The following TMEM106B variants were observed in gnomAD, a reference collection of about 807,000 sequenced individuals.
TMEM106B encodes transmembrane protein 106B.
In TMEM106B, 15 loss-of-function variants were observed where a neutral mutation model predicts 31.1. The ratio of observed to expected loss-of-function variants is 0.48; its 90% confidence interval spans 0.32 to 0.74. The LOEUF is 0.74. Ranked by LOEUF, TMEM106B falls within the 30% of genes least tolerant of loss-of-function variation. The pLI is 0.03. For synonymous variants in TMEM106B, 126 were observed against 112.5 expected (o/e 1.12, Z -0.76); for missense variants, 283 against 327.3 (o/e 0.86, Z 1.04).
At position 12,231,936 on chromosome 7, in the gene TMEM106B, G is replaced by A. The variant is rs1299353534; in HGVS notation, c.786G>A (p.Gly262=). 1 of 1,611,984 alleles carries A rather than the reference G, an allele frequency of 6.2e-7. No individual in the cohort carries two copies. The highest frequency in any genetic ancestry group is 8.5e-7 in the Non-Finnish European group (1 of 1,178,712). The change falls in exon 8 of 8, where the codon GGG becomes GGA. Residue 262 remains glycine, a synonymous_variant. Coordinates refer to ENST00000396668, the MANE Select transcript of TMEM106B (RefSeq NM_001134232.2). ...GAAGAAACACAACTTATCAGTTGGGGCAGTCTGAATATTTAAATGTACTTC... is the reference window on the plus strand; with the variant it reads ...GAAGAAACACAACTTATCAGTTGGGACAGTCTGAATATTTAAATGTACTTC... ...DCGRNTTYQL[G]QSEYLNVLQP... is the part of the protein sequence containing the mutation.
Position 12,239,818 on chromosome 7 carries a change from C to G in TMEM106B, c.*7843C>G, listed in dbSNP as rs774654228. ...AAATACTTACAAAAACATCAAAGAT[C>G]ACTGATTACAGATCATTAAAATAGG... On this transcript the variant is annotated 3_prime_UTR_variant, in exon 8 of 8. Coordinates refer to ENST00000396668, the MANE Select transcript of TMEM106B (RefSeq NM_001134232.2). 1.3e-5 allele frequency: 2 copies of G among 152,150 alleles called. No individual in the cohort carries two copies. The highest frequency in any genetic ancestry group is 1.5e-5 in the Non-Finnish European group (1 of 68,000). The allele number at this position is 152,150 out of a possible 1,614,324, so 9.4% of individuals were successfully genotyped here.
At chr7:12,213,344 G>C (rs963143819) in intron 1 of TMEM106B, among the ~76,000 whole-genome samples, 5 of 152,160 alleles carry the variant, frequency 3.3e-5, no homozygotes, top group African/African-American at 1.2e-4. Flanking sequence ...GTTGTTGCGA[G>C]TGTTTAAATG....
Position 12,236,959 on chromosome 7 carries a change from C to T in TMEM106B, c.*4984C>T, listed in dbSNP as rs1782149739. 6.6e-6 allele frequency: 1 copy of T among 151,846 alleles called. No homozygotes were observed. The highest frequency in any genetic ancestry group is 2.4e-5 in the African/African-American group (1 of 41,362). 9.4% of individuals were successfully genotyped at this position (151,846 alleles called of 1,614,324 possible). A position where few individuals can be genotyped will look rare whatever the true frequency, so the allele number is the denominator to read the frequency against. Reference sequence around the variant, plus strand: ...TGATGGTATTACCTAGATTCTAATCCTTGATTCTAGTTATATAATAAATAA... The same window carrying T: ...TGATGGTATTACCTAGATTCTAATCTTTGATTCTAGTTATATAATAAATAA... On this transcript the variant is annotated 3_prime_UTR_variant, in exon 8 of 8. Coordinates refer to ENST00000396668, the MANE Select transcript of TMEM106B (RefSeq NM_001134232.2).
At chr7:12,228,703 G>A (rs1027082874) in intron 4 of TMEM106B, among the ~76,000 whole-genome samples, 9 of 152,032 alleles carry the variant, frequency 5.9e-5, no homozygotes, top group Middle Eastern at 3.4e-3. Context: ...TGAAATGGCT[G>A]TAACACTTCA....
intron 3 of TMEM106B, among the ~76,000 whole-genome samples, chr7:12,219,831 A>G (rs1353392295): frequency 2.0e-5 from 3 of 152,234 alleles, no homozygotes; most frequent in Admixed American, 2.0e-4. Flanking sequence ...TAAAAGTCAC[A>G]TAAAGAAAAC....
chr7:12,225,315 C>T (rs1781878513), intron 4 of TMEM106B, among the ~76,000 whole-genome samples: 1 of 152,148 alleles, frequency 6.6e-6, no homozygotes, highest in South Asian at 2.1e-4. Flanking sequence ...GTGAATAGTG[C>T]TGCAATAAAC....
chr7:12,225,428 CT>C lies in TMEM106B; in HGVS notation c.441+1045del, dbSNP rs564946449. Among the ~76,000 whole-genome samples, 1,128 of 152,240 alleles carry C rather than the reference CT, an allele frequency of 7.4e-3. 21 individuals are homozygous for C. The highest frequency in any genetic ancestry group is 0.025 in the African/African-American group (1,044 of 41,536). ...CAAATGGTATTTCTAGTTCTAGATC[CT>C]TGAAGAATCACCACACTGTCTTCCA... is the stretch of plus-strand genomic sequence containing the variant. On this transcript the variant is annotated intron_variant, in intron 4 of 7. Coordinates refer to ENST00000396668, the MANE Select transcript of TMEM106B (RefSeq NM_001134232.2).
In TMEM106B at chr7:12,242,867, T is replaced by A. The variant is rs1000072925; in HGVS notation, c.*10892T>A. The A allele has an allele frequency of 5.3e-5, 8 of 152,146 alleles. No homozygotes were observed. The highest frequency in any genetic ancestry group is 1.9e-4 in the African/African-American group (8 of 41,464). 9.4% of individuals were successfully genotyped at this position (152,146 alleles called of 1,614,324 possible). On this transcript the variant is annotated 3_prime_UTR_variant, in exon 8 of 8. Coordinates refer to ENST00000396668, the MANE Select transcript of TMEM106B (RefSeq NM_001134232.2). The stretch of plus-strand genomic sequence containing the variant: ...TATTCTTTTCATAACTTTTAACTTT[T>A]CCATAGGACCTATCACTATGTAAAA...
intron 2 of TMEM106B, among the ~76,000 whole-genome samples, chr7:12,217,473 A>G (rs772754532): frequency 1.6e-4 from 24 of 152,166 alleles, no homozygotes; most frequent in Admixed American, 7.2e-4. Context: ...ATTAAGTGCT[A>G]CTTGACATGA....
chr7:12,236,020 G>GT lies in TMEM106B; in HGVS notation c.*4048dup, dbSNP rs1170544198. 2.0e-5 allele frequency: 3 copies of GT among 151,614 alleles called. No individual in the cohort carries two copies. Among genetic ancestry groups the GT allele is most frequent in the African/African-American group, 4.8e-5 (2 of 41,314 alleles). The allele number at this position is 151,614 out of a possible 1,614,324, so 9.4% of individuals were successfully genotyped here. On this transcript the variant is annotated 3_prime_UTR_variant, in exon 8 of 8. Transcript: ENST00000396668. Reference sequence around the variant, plus strand: ...ACTATTTTAGGGAAAAATTTTACATGTTTGAGATGGTGGAGTAAAAAGACT... The same window carrying GT: ...ACTATTTTAGGGAAAAATTTTACATGTTTTGAGATGGTGGAGTAAAAAGACT...
At chr7:12,222,681 C>G (rs948542282) in intron 3 of TMEM106B, among the ~76,000 whole-genome samples, 2 of 152,184 alleles carry the variant, frequency 1.3e-5, no homozygotes, top group Non-Finnish European at 2.9e-5. Flanking sequence ...ACTACCCCTA[C>G]TCAGGTTGAG....
Position 12,229,748 on chromosome 7 carries a change from T to G in TMEM106B, c.511T>G (p.Phe171Val). The change falls in exon 5 of 8, where the codon TTT (phenylalanine) becomes GTT (valine). Residue 171 changes from phenylalanine (F) to valine (V), a missense_variant. Physicochemically the swap from Phe to Val is conservative, Grantham distance 50 (BLOSUM62 -1). Around this residue, in one of 3 missense-constraint regions of TMEM106B, gnomAD observed 201 missense variants for 211.5 expected, o/e 0.95. Coordinates refer to ENST00000396668, the MANE Select transcript of TMEM106B (RefSeq NM_001134232.2). ...TGAAAACATCACTGCCCAAGTTCAA[T>G]TTTCAAAAACAGTTATTGGAAAGGC... ...EVENITAQVQ[F>V]SKTVIGKARL... 1 of 1,613,520 alleles carries G rather than the reference T, an allele frequency of 6.2e-7. No individual in the cohort carries two copies. Among genetic ancestry groups the G allele is most frequent in the Non-Finnish European group, 8.5e-7 (1 of 1,179,786 alleles).
At chr7:12,212,942 T>A (rs1321595909) in intron 1 of TMEM106B, among the ~76,000 whole-genome samples, 2 of 152,152 alleles carry the variant, frequency 1.3e-5, no homozygotes, top group African/African-American at 4.8e-5. Context: ...TTAGAAGGAG[T>A]ATAATTATGT....
At position 12,238,695 on chromosome 7, in the gene TMEM106B, G is replaced by C. The variant is rs942007656; in HGVS notation, c.*6720G>C. On this transcript the variant is annotated 3_prime_UTR_variant, in exon 8 of 8. Coordinates refer to ENST00000396668, the MANE Select transcript of TMEM106B (RefSeq NM_001134232.2). ...GCATGAAAACAACATTAATCTATTT[G>C]TACATCATCAGAGCTGTTGGGTGAC... The C allele has an allele frequency of 6.6e-6, 1 of 152,186 alleles. No homozygotes were observed. The highest frequency in any genetic ancestry group is 1.9e-4 in the East Asian group (1 of 5,186). The allele number at this position is 152,186 out of a possible 1,614,324, so 9.4% of individuals were successfully genotyped here.
intron 3 of TMEM106B, among the ~76,000 whole-genome samples, 178 bp downstream of exon 3, chr7:12,218,699 G>T (rs1400773953): frequency 6.6e-6 from 1 of 152,038 alleles, no homozygotes; most frequent in African/African-American, 2.4e-5. Context: ...TTCTGGTTGG[G>T]GTAAGGTCTT....
chr7:12,238,468 C>T lies in TMEM106B; in HGVS notation c.*6493C>T, dbSNP rs1782181944. 1 of 152,196 alleles carries T rather than the reference C, an allele frequency of 6.6e-6. No homozygotes were observed. The highest frequency in any genetic ancestry group is 6.5e-5 in the Admixed American group (1 of 15,272). 9.4% of individuals were successfully genotyped at this position (152,196 alleles called of 1,614,324 possible). ...GTTAATGTTCATATTTAGACCTCTT[C>T]CCCTGAATCACAAATGTTGTTAATG... is the stretch of plus-strand genomic sequence containing the variant. On this transcript the variant is annotated 3_prime_UTR_variant, in exon 8 of 8. Coordinates refer to ENST00000396668, the MANE Select transcript of TMEM106B (RefSeq NM_001134232.2).
intron 1 of TMEM106B, among the ~76,000 whole-genome samples, chr7:12,212,823 T>C (rs1781606915): frequency 6.6e-6 from 1 of 152,218 alleles, no homozygotes; most frequent in Non-Finnish European, 1.5e-5. Context: ...ACTGACTTAC[T>C]TGGAATGTCT....
intron 4 of TMEM106B, among the ~76,000 whole-genome samples, chr7:12,227,095 T>C (rs1781916182): frequency 1.3e-5 from 2 of 152,104 alleles, no homozygotes; most frequent in South Asian, 4.1e-4. Flanking sequence ...TATGCAGAAA[T>C]TCTCACATTT....
At position 12,235,269 on chromosome 7, in the gene TMEM106B, GATTA is replaced by G. The variant is rs769402429; in HGVS notation, c.*3298_*3301del. 1.3e-5 allele frequency: 2 copies of G among 152,094 alleles called. No individual in the cohort carries two copies. The highest frequency in any genetic ancestry group is 3.0e-5 in the Non-Finnish European group (2 of 67,782). 9.4% of individuals were successfully genotyped at this position (152,094 alleles called of 1,614,324 possible). On this transcript the variant is annotated 3_prime_UTR_variant, in exon 8 of 8. Coordinates refer to ENST00000396668, the MANE Select transcript of TMEM106B (RefSeq NM_001134232.2). ...AAGGAAATTATTTATAAATAATAGA[GATTA>G]ATTTATTTGAGATTTGAAATAAGAA... is the stretch of plus-strand genomic sequence containing the variant.
Sources: gnomAD v4.1 joint callset for allele counts (sites outside exome capture counted in the v4.1 genomes callset) on GRCh38, gnomAD v4.1.1 for gene constraint, gnomAD v4.1.1 regional missense constraint, MANE v1.5 for transcripts, NCBI Gene and HGNC (gene_info 2026-07-23, HGNC 2026-07-21) for gene names.